The following DLGAP2 variants were observed in gnomAD, a reference collection of about 807,000 sequenced individuals.
DLGAP2 encodes the protein disks large-associated protein 2.
Under a neutral mutation model 100.3 loss-of-function variants are expected in DLGAP2, and 26 were observed. The ratio of observed to expected loss-of-function variants is 0.26; its 90% confidence interval spans 0.19 to 0.36. DLGAP2 has a LOEUF of 0.36. DLGAP2 is among the 10% of genes least tolerant of loss of function. The probability of loss-of-function intolerance (pLI) is 1.00; values close to 1 mark genes in which losing one functional copy is unlikely to be tolerated. For missense variants in DLGAP2, 1,858 were observed against 1,453.2 expected, an observed-to-expected ratio of 1.28 and a Z score of -4.53; for synonymous variants, 886 against 630.1, an observed-to-expected ratio of 1.41 and a Z score of -6.08.
chr8:1,320,627 A>T (rs1445932324), intron 3 of DLGAP2, among the ~76,000 whole-genome samples: 2 of 152,188 alleles, frequency 1.3e-5, no homozygotes, highest in African/African-American at 4.8e-5. Flanking sequence ...AGTTCTGGTC[A>T]TATGGGACTA....
intron 2 of DLGAP2, among the ~76,000 whole-genome samples, chr8:1,004,083 TC>T (rs1204449024): frequency 6.6e-6 from 1 of 152,244 alleles, no homozygotes; most frequent in Non-Finnish European, 1.5e-5. Context: ...TTGGATTGTT[TC>T]CGATCTTTTG....
intron 2 of DLGAP2, among the ~76,000 whole-genome samples, chr8:940,615 G>C (rs980841578): frequency 6.6e-6 from 1 of 152,184 alleles, no homozygotes; most frequent in South Asian, 2.1e-4. Context: ...GGCAGCCTGG[G>C]ACGTTTTCGG....
chr8:1,263,579 A>G (rs1403663171), intron 3 of DLGAP2, among the ~76,000 whole-genome samples: 2 of 152,220 alleles, frequency 1.3e-5, no homozygotes, highest in African/African-American at 4.8e-5. Context: ...AAGATATTCA[A>G]GATTTTCCCC....
At chr8:895,016 TG>T (rs1798117546) in intron 1 of DLGAP2, among the ~76,000 whole-genome samples, 3 of 10,716 alleles carry the variant, frequency 2.8e-4, no homozygotes, top group Non-Finnish European at 4.0e-4. Flanking sequence ...CAGGGCAGGG[TG>T]GGGGAGTGGG....
At chr8:866,383 C>G (rs1272148674) in intron 1 of DLGAP2, among the ~76,000 whole-genome samples, 1 of 152,208 alleles carries the variant, frequency 6.6e-6, no homozygotes, top group Non-Finnish European at 1.5e-5. Flanking sequence ...GTGACCAGAC[C>G]AGGAGAGCCC....
intron 2 of DLGAP2, among the ~76,000 whole-genome samples, chr8:1,102,811 G>A (rs929766467): frequency 2.0e-5 from 3 of 152,058 alleles, no homozygotes; most frequent in African/African-American, 7.2e-5. Context: ...CCTGGGGGAG[G>A]TGACGGGGCA....
intron 2 of DLGAP2, among the ~76,000 whole-genome samples, chr8:1,237,582 G>A (rs1332413397): frequency 2.3e-4 from 29 of 128,694 alleles, no homozygotes; most frequent in Middle Eastern, 5.3e-3. Context: ...ACATGGCACC[G>A]TGTCTAGTTC....
At position 1,599,653 on chromosome 8, in the gene DLGAP2, G is replaced by A. The variant is rs1323866926; in HGVS notation, c.1443-27087G>A. On this transcript the variant is annotated intron_variant, in intron 6 of 14. Coordinates refer to ENST00000637795, the MANE Select transcript of DLGAP2 (RefSeq NM_001346810.2). ...ATGCTCTTCTTTGTCTTTTTAGATCGTTGTTGACTTAAAATTTGTCTTATC... is the reference window on the plus strand; with the variant it reads ...ATGCTCTTCTTTGTCTTTTTAGATCATTGTTGACTTAAAATTTGTCTTATC... Among the ~76,000 whole-genome samples, 7 of 152,056 alleles carry A rather than the reference G, an allele frequency of 4.6e-5. No individual in the cohort carries two copies. The East Asian group carries it at 5.8e-4, about 13-fold the overall frequency.
chr8:1,392,781 C>T (rs57315763), intron 3 of DLGAP2, among the ~76,000 whole-genome samples: 41,338 of 151,192 alleles, frequency 0.27, 5,752 homozygotes, highest in Middle Eastern at 0.35. Context: ...GTTCTTTCTT[C>T]GGGATAATTG....
chr8:1,000,272 G>A (rs797002916), intron 2 of DLGAP2, among the ~76,000 whole-genome samples: 52 of 131,500 alleles, frequency 4.0e-4, no homozygotes, highest in East Asian at 1.0e-3. Context: ...TCTCTAGAGC[G>A]GACAGATCCG....
At chr8:882,034 A>C (rs937452053) in intron 1 of DLGAP2, among the ~76,000 whole-genome samples, 1 of 152,118 alleles carries the variant, frequency 6.6e-6, no homozygotes, top group Non-Finnish European at 1.5e-5. Flanking sequence ...TGTCCTGTTC[A>C]TTCTGGGCAC....
intron 3 of DLGAP2, among the ~76,000 whole-genome samples, chr8:1,336,999 C>T (rs1349058187): frequency 6.6e-6 from 1 of 152,118 alleles, no homozygotes; most frequent in African/African-American, 2.4e-5. Flanking sequence ...GAGTGAGGAG[C>T]AGAGGCAATG....
At chr8:1,204,929 G>A (rs1385332050) in intron 2 of DLGAP2, among the ~76,000 whole-genome samples, 1 of 152,214 alleles carries the variant, frequency 6.6e-6, no homozygotes, top group East Asian at 1.9e-4. Flanking sequence ...TGGAACAGGA[G>A]CAACAGATGA....
chr8:1,386,077 G>A (rs1281488088), intron 3 of DLGAP2, among the ~76,000 whole-genome samples: 2 of 152,212 alleles, frequency 1.3e-5, no homozygotes, highest in Non-Finnish European at 2.9e-5. Flanking sequence ...AAATAAAATT[G>A]AAAACAACAA....
intron 3 of DLGAP2, among the ~76,000 whole-genome samples, chr8:1,325,522 C>G (rs560055479): frequency 1.3e-5 from 2 of 152,286 alleles, no homozygotes; most frequent in South Asian, 2.1e-4. Flanking sequence ...AAACTTTGTA[C>G]GCATACATTG....
intron 3 of DLGAP2, among the ~76,000 whole-genome samples, chr8:1,298,293 C>G (rs1400593979): frequency 6.6e-6 from 1 of 152,164 alleles, no homozygotes; most frequent in Non-Finnish European, 1.5e-5. Context: ...ATCTAAACCC[C>G]CCATACACCA....
chr8:1,361,313 T>G lies in DLGAP2; in HGVS notation c.106+102430T>G, dbSNP rs550572131. 6.6e-5 allele frequency among the ~76,000 whole-genome samples: 10 copies of G among 152,354 alleles called. No individual in the cohort carries two copies. In the South Asian group the frequency reaches 2.1e-3, roughly 32 times the overall value. ...TCACATTCTCCCCAACACACAACTT[T>G]AGAGTAGACTTTTATCCCTCCACAG... On this transcript the variant is annotated intron_variant, in intron 3 of 14. Transcript: ENST00000637795.
chr8:1,524,900 C>T (rs1202242703), intron 4 of DLGAP2, among the ~76,000 whole-genome samples: 4 of 152,104 alleles, frequency 2.6e-5, no homozygotes, highest in Non-Finnish European at 5.9e-5. Flanking sequence ...GCTAACCCTC[C>T]TGCACACCCT....
intron 2 of DLGAP2, among the ~76,000 whole-genome samples, chr8:965,531 G>C (rs1431058625): frequency 2.1e-5 from 3 of 139,676 alleles, no homozygotes; most frequent in Non-Finnish European, 4.6e-5. Context: ...CGCTGCACAC[G>C]GCACTGTTCA....
Sources: allele counts gnomAD v4.1 joint callset (sites outside exome capture counted in the v4.1 genomes callset), GRCh38; gene constraint gnomAD v4.1.1; transcripts MANE v1.5; gene names NCBI Gene and HGNC (gene_info 2026-07-23, HGNC 2026-07-21).